PTPN2: variants seen among roughly 807,000 people sequenced by gnomAD.
PTPN2 encodes tyrosine-protein phosphatase non-receptor type 2.
In PTPN2, 19 loss-of-function variants were observed where a neutral mutation model predicts 57.3. That is an observed-to-expected ratio of 0.33 (90% CI 0.23 to 0.49). The LOEUF is 0.49. PTPN2 is among the 20% of genes least tolerant of loss of function. The pLI is 0.99. For missense variants in PTPN2, 358 were observed against 501.1 expected (o/e 0.71, Z 2.73); for synonymous variants, 153 against 164.9 (o/e 0.93, Z 0.55).
chr18:12,809,418 G>A (rs1044441118), intron 7 of PTPN2, among the ~76,000 whole-genome samples: 1 of 152,144 alleles, frequency 6.6e-6, no homozygotes, highest in African/African-American at 2.4e-5. Context: ...GAAGAAAAAC[G>A]CATATATAAC....
At chr18:12,867,445 C>CT (rs1011277953) in intron 1 of PTPN2, among the ~76,000 whole-genome samples, 13 of 148,832 alleles carry the variant, frequency 8.7e-5, no homozygotes, top group Admixed American at 3.4e-4. Flanking sequence ...AGTATCAGTA[C>CT]TTTTTTTTTT....
At chr18:12,821,571 G>A in intron 5 of PTPN2, 1 of 152,254 alleles carries the variant, frequency 6.6e-6, no homozygotes, top group East Asian at 1.9e-4. Context: ...GGGATTCATT[G>A]TGAAAGGCAG....
intron 8 of PTPN2, among the ~76,000 whole-genome samples, chr18:12,795,906 A>G (rs967927992): frequency 2.0e-5 from 3 of 150,788 alleles, no homozygotes; most frequent in East Asian, 1.9e-4. Flanking sequence ...TTTCTAGAGC[A>G]TACCCCTGGA....
downstream of PTPN2, chr18:12,787,983 C>T (rs952249929): frequency 1.3e-5 from 2 of 154,658 alleles, no homozygotes; most frequent in African/African-American, 4.8e-5. Context: ...CACCAGATAT[C>T]CACACTAATA....
chr18:12,882,549 TAG>T (rs112266673), intron 1 of PTPN2, among the ~76,000 whole-genome samples: 1,937 of 152,332 alleles, frequency 0.013, 96 homozygotes, highest in Admixed American at 0.083. Context: ...ACCTATCCCT[TAG>T]AGAGACAGCA....
chr18:12,838,600 G>C (rs2042947125), intron 2 of PTPN2, among the ~76,000 whole-genome samples: 1 of 152,170 alleles, frequency 6.6e-6, no homozygotes, highest in Admixed American at 6.5e-5. Context: ...TGGGTCTGCA[G>C]GGCTCAGCCC....
Position 12,819,365 on chromosome 18 carries a change from T to C in PTPN2, c.496-2000A>G, listed in dbSNP as rs2042193478. On this transcript the variant is annotated intron_variant, in intron 5 of 8. Transcript: ENST00000309660. ...TTAAGACATTTATTTTTAAATTAAT[T>C]ATGGTAAGTGAACAAAGCCAGACTA... The C allele has an allele frequency of 4.6e-6, 3 of 652,448 alleles. No homozygotes were observed. In the South Asian group the frequency reaches 6.6e-5, roughly 14 times the overall value. 40.4% of individuals were successfully genotyped at this position (652,448 alleles called of 1,614,324 possible).
At chr18:12,830,638 G>T (rs1445203214) in intron 4 of PTPN2, among the ~76,000 whole-genome samples, 1 of 152,104 alleles carries the variant, frequency 6.6e-6, no homozygotes, top group South Asian at 2.1e-4. Context: ...CTTAAAGCTG[G>T]AAGAGGACTT....
At chr18:12,853,611 ATT>A (rs1197514396) in intron 2 of PTPN2, among the ~76,000 whole-genome samples, 1 of 152,198 alleles carries the variant, frequency 6.6e-6, no homozygotes, top group Non-Finnish European at 1.5e-5. Flanking sequence ...TTGAGCTGGT[ATT>A]TGCAGAAGGA....
At chr18:12,845,161 G>A (rs979418235) in intron 2 of PTPN2, among the ~76,000 whole-genome samples, 1 of 152,026 alleles carries the variant, frequency 6.6e-6, no homozygotes, top group Non-Finnish European at 1.5e-5. Flanking sequence ...CCACATAAAA[G>A]AATAAGCTTG....
At chr18:12,788,432 C>CTTTTTT (rs71174142), downstream of PTPN2, among the ~76,000 whole-genome samples, 33,385 of 89,566 alleles carry the variant, frequency 0.37, 7,621 homozygotes, top group African/African-American at 0.43. Context: ...GGGATCAGGG[C>CTTTTTT]TTTTTTTTTT....
chr18:12,809,065 TC>T (rs1443477839), intron 7 of PTPN2, among the ~76,000 whole-genome samples: 3 of 152,180 alleles, frequency 2.0e-5, no homozygotes, highest in Non-Finnish European at 4.4e-5. Flanking sequence ...GTTGTGTCTA[TC>T]AGGTACGCTA....
rs370657302 is a variant in PTPN2 at position 12,802,024 on chromosome 18, C to A, written c.986G>T (p.Arg329Leu). 1.2e-5 allele frequency: 19 copies of A among 1,612,130 alleles called. No homozygotes were observed. The African/African-American group carries it at 2.3e-4, about 19-fold the overall frequency. ...CATTTTAGAGGAAAGTCCTGTACAT[C>A]GGTCACCTGTCAGTTTTTCTTCTTC... ...GLEEEKLTGD[R>L]CTGLSSKMQD... Residue 329 changes from arginine (R) to leucine (L), a missense_variant, in exon 8 of 9, where the codon CGA becomes CTA. This residue lies in a region of PTPN2 where 96 missense variants were observed against 110.8 expected (regional missense o/e 0.87). Coordinates refer to ENST00000309660, the MANE Select transcript of PTPN2 (RefSeq NM_002828.4).
exon 10 of PTPN2, chr18:12,785,699 C>G (rs2040829691): frequency 1.2e-6 from 1 of 854,096 alleles, no homozygotes; most frequent in Non-Finnish European, 1.9e-6. Context: ...TGTAAACAAA[C>G]AACTGTGAGG....
intron 2 of PTPN2, among the ~76,000 whole-genome samples, chr18:12,847,481 T>C (rs1300245614): frequency 2.0e-5 from 3 of 152,194 alleles, no homozygotes; most frequent in East Asian, 3.9e-4. Context: ...TCTCTTTCCC[T>C]GTCTAATCAA....
intron 1 of PTPN2, among the ~76,000 whole-genome samples, chr18:12,870,435 A>ATG (rs775127383): frequency 1.7e-4 from 6 of 35,952 alleles, no homozygotes; most frequent in Admixed American, 3.7e-4. Context: ...ACGTATATAT[A>ATG]TATGTGTATA....
chr18:12,793,102 T>C lies in PTPN2; in HGVS notation c.*1176A>G, dbSNP rs563266125. 21 of 985,076 alleles carry C rather than the reference T, an allele frequency of 2.1e-5. No homozygotes were observed. The highest frequency in any genetic ancestry group is 2.4e-5 in the Non-Finnish European group (20 of 829,600). The allele number at this position is 985,076 out of a possible 1,614,324, so 61.0% of individuals were successfully genotyped here. A position where few individuals can be genotyped will look rare whatever the true frequency, so the allele number is the denominator to read the frequency against. ...CTATCCATGCCTCCTAGCAATTAAA[T>C]TTGTAACAACAATTTCAAGTTTAAG... On this transcript the variant is annotated 3_prime_UTR_variant, in exon 9 of 9. Transcript: ENST00000309660.
intron 7 of PTPN2, among the ~76,000 whole-genome samples, chr18:12,812,176 T>C (rs1284246515): frequency 1.3e-5 from 2 of 152,226 alleles, no homozygotes; most frequent in African/African-American, 2.4e-5. Flanking sequence ...TAAGTATTTA[T>C]GCCTGACCTT....
chr18:12,808,322 T>C (rs1052028281), intron 7 of PTPN2, among the ~76,000 whole-genome samples: 12 of 78,210 alleles, frequency 1.5e-4, no homozygotes, highest in East Asian at 6.3e-4. Context: ...TATAATTAAA[T>C]AGAGATTTCA....
Sources: gnomAD v4.1 joint callset for allele counts (sites outside exome capture counted in the v4.1 genomes callset) on GRCh38, gnomAD v4.1.1 for gene constraint, gnomAD v4.1.1 regional missense constraint, MANE v1.5 for transcripts, NCBI Gene and HGNC (gene_info 2026-07-23, HGNC 2026-07-21) for gene names.